The following PPP1R1A variants were observed in gnomAD, a reference collection of about 807,000 sequenced individuals.
The protein encoded by PPP1R1A is protein phosphatase 1 regulatory subunit 1A.
Under a neutral mutation model 23.9 loss-of-function variants are expected in PPP1R1A, and 18 were observed. The observed-to-expected ratio is 0.75, with a 90% confidence interval of 0.52 to 1.12. The LOEUF (loss-of-function observed/expected upper bound fraction) is 1.12, where lower values mean the gene tolerates loss of function less well. Among genes scored for constraint, PPP1R1A ranks in the 50% most tolerant of loss-of-function variants. PPP1R1A has a pLI of 0.00. For synonymous variants in PPP1R1A, 84 were observed against 80.7 expected (o/e 1.04, Z -0.22); for missense variants, 207 against 223.8 (o/e 0.92, Z 0.48).
chr12:54,586,158 G>A (rs935673414), intron 1 of PPP1R1A, among the ~76,000 whole-genome samples: 1 of 152,266 alleles, frequency 6.6e-6, no homozygotes, highest in East Asian at 1.9e-4. Flanking sequence ...TCAGAGTGGG[G>A]AGCCCAAGAA....
Position 54,580,146 on chromosome 12 carries a change from T to C in PPP1R1A, c.*241A>G. 7.5e-7 allele frequency: 1 copy of C among 1,334,706 alleles called. No individual in the cohort carries two copies. The highest frequency in any genetic ancestry group is 3.1e-5 in the Admixed American group (1 of 31,986). The allele number at this position is 1,334,706 out of a possible 1,614,324, so 82.7% of individuals were successfully genotyped here. On this transcript the variant is annotated 3_prime_UTR_variant, in exon 7 of 7. Transcript: ENST00000257905. Reference sequence around the variant, plus strand: ...CTGCTCAAGGCTTCTGCCTAGCTCCTGTTTCTTCCTTCCCAGAGGCAGCTT... The same window carrying C: ...CTGCTCAAGGCTTCTGCCTAGCTCCCGTTTCTTCCTTCCCAGAGGCAGCTT...
At chr12:54,584,871 G>C (rs1192878720) in intron 1 of PPP1R1A, among the ~76,000 whole-genome samples, 1 of 151,936 alleles carries the variant, frequency 6.6e-6, no homozygotes, top group Non-Finnish European at 1.5e-5. Flanking sequence ...CCCCTGTTCT[G>C]TCTCTCCACC....
chr12:54,585,146 C>G (rs1294678791), intron 1 of PPP1R1A, among the ~76,000 whole-genome samples: 1 of 152,224 alleles, frequency 6.6e-6, no homozygotes, highest in East Asian at 1.9e-4. Context: ...TCTCCTCTGG[C>G]CTGTGCCCCT....
intron 2 of PPP1R1A, among the ~76,000 whole-genome samples, chr12:54,583,480 G>A (rs1957878745): frequency 6.6e-6 from 1 of 152,156 alleles, no homozygotes; most frequent in Non-Finnish European, 1.5e-5. Flanking sequence ...TGGCTCTGTG[G>A]TCAATTTGCG....
In PPP1R1A at chr12:54,588,610, G is replaced by A. The variant is rs547173566; in HGVS notation, c.-122C>T. ...GCCCCGGCCCCAGCCCGGCGCGCTCGGCTCCCGGCTCCCGGCACAGCGCTC... is the reference window on the plus strand; with the variant it reads ...GCCCCGGCCCCAGCCCGGCGCGCTCAGCTCCCGGCTCCCGGCACAGCGCTC... On this transcript the variant is annotated 5_prime_UTR_variant, in exon 1 of 7. Transcript: ENST00000257905. 2 of 357,834 alleles carry A rather than the reference G, an allele frequency of 5.6e-6. No homozygotes were observed. The highest frequency in any genetic ancestry group is 1.2e-4 in the South Asian group (1 of 8,154). The allele number at this position is 357,834 out of a possible 1,614,324, so 22.2% of individuals were successfully genotyped here. A position where few individuals can be genotyped will look rare whatever the true frequency, so the allele number is the denominator to read the frequency against.
Position 54,581,155 on chromosome 12 carries a change from G to A in PPP1R1A, c.404-105C>T. On this transcript the variant is annotated intron_variant, in intron 5 of 6. Transcript: ENST00000257905. This position sits in a 1 kb window ranked among gnomAD's most constrained non-coding sequence, Gnocchi z 4.1. The stretch of plus-strand genomic sequence containing the variant: ...ACCCATACCCCAGTGGCCCCTGAGA[G>A]GGCCCCAGGACCAAGTTGGGTGCAA... 1.2e-6 allele frequency: 1 copy of A among 862,770 alleles called. No homozygotes were observed. The highest frequency in any genetic ancestry group is 1.8e-6 in the Non-Finnish European group (1 of 542,326). The allele number at this position is 862,770 out of a possible 1,614,324, so 53.4% of individuals were successfully genotyped here. A position where few individuals can be genotyped will look rare whatever the true frequency, so the allele number is the denominator to read the frequency against.
intron 1 of PPP1R1A, among the ~76,000 whole-genome samples, chr12:54,586,881 T>A (rs1042577115): frequency 6.6e-6 from 1 of 152,156 alleles, no homozygotes; most frequent in South Asian, 2.1e-4. Flanking sequence ...TGGAACTGCA[T>A]CCCCAACCTC....
chr12:54,584,412 G>T, intron 1 of PPP1R1A, 92 bp from the exon 2 acceptor site: 1 of 1,243,628 alleles, frequency 8.0e-7, no homozygotes, highest in Non-Finnish European at 1.1e-6. Context: ...ATCCAGGCTA[G>T]CCTACTTAAC....
Position 54,582,197 on chromosome 12 carries a change from C to T in PPP1R1A, c.248-66G>A, listed in dbSNP as rs558507006. Reference sequence around the variant, plus strand: ...GCCTAGCGTCTCCCCTGTGGGCCTCCGGATTCAACAGCCCCACTAAAGGCT... The same window carrying T: ...GCCTAGCGTCTCCCCTGTGGGCCTCTGGATTCAACAGCCCCACTAAAGGCT... On this transcript the variant is annotated intron_variant, in intron 4 of 6. Transcript: ENST00000257905. 20 of 1,479,300 alleles carry T rather than the reference C, an allele frequency of 1.4e-5. No individual in the cohort carries two copies. In the Admixed American group the frequency reaches 2.3e-4, roughly 17 times the overall value. 91.6% of individuals were successfully genotyped at this position (1,479,300 alleles called of 1,614,324 possible). A position where few individuals can be genotyped will look rare whatever the true frequency, so the allele number is the denominator to read the frequency against.
intron 1 of PPP1R1A, 67 bp from the exon 2 acceptor site, chr12:54,584,387 C>T: frequency 7.1e-7 from 1 of 1,402,720 alleles, no homozygotes; most frequent in Non-Finnish European, 9.8e-7. Flanking sequence ...CCACCCAAAA[C>T]CACTCAGTAA....
rs1369238015 is a variant in PPP1R1A at position 54,588,583 on chromosome 12, C to G, written c.-95G>C. ...GGCGCGCTCCCTCTCCGCTCCGCTC[C>G]GGCCCCGGCCCCAGCCCGGCGCGCT... On this transcript the variant is annotated 5_prime_UTR_variant, in exon 1 of 7. Coordinates refer to ENST00000257905, the MANE Select transcript of PPP1R1A (RefSeq NM_006741.4). 1.5e-6 allele frequency: 1 copy of G among 646,470 alleles called. No homozygotes were observed. The highest frequency in any genetic ancestry group is 2.1e-6 in the Non-Finnish European group (1 of 470,764). 40.0% of individuals were successfully genotyped at this position (646,470 alleles called of 1,614,324 possible).
rs915176718 is a variant in PPP1R1A at position 54,581,733 on chromosome 12, C to G, written c.403+243G>C. On this transcript the variant is annotated intron_variant, in intron 5 of 6. Transcript: ENST00000257905. This position sits in a 1 kb window ranked among gnomAD's most constrained non-coding sequence, Gnocchi z 4.1. Reference sequence around the variant, plus strand: ...GCTGTTCCCATGAAGGTGGGTTTCCCCCATGTAGCCACAGTGGGGCTCTGA... The same window carrying G: ...GCTGTTCCCATGAAGGTGGGTTTCCGCCATGTAGCCACAGTGGGGCTCTGA... Among the ~76,000 whole-genome samples the G allele has an allele frequency of 6.6e-6, 1 of 152,206 alleles. No individual in the cohort carries two copies. The highest frequency in any genetic ancestry group is 2.4e-5 in the African/African-American group (1 of 41,462).
At position 54,584,287 on chromosome 12, in the gene PPP1R1A, C is replaced by T. The variant is rs762205327; in HGVS notation, c.118G>A (p.Val40Met). ...GGGGATGACTGGTCACTGGTCAGCA[C>T]GAGGGTGGCAGGGGTGGGGCGGCGC... ...RRRRPTPATL[V>M]LTSDQSSPEI... is the part of the protein sequence containing the mutation. The change falls in exon 2 of 7, where the codon GTG (valine) becomes ATG (methionine). Residue 40 changes from valine (V) to methionine (M), a missense_variant. By Grantham distance (21) the Val-to-Met change is conservative. Transcript: ENST00000257905. The T allele has an allele frequency of 5.0e-6, 8 of 1,604,884 alleles. No homozygotes were observed. The highest frequency in any genetic ancestry group is 6.0e-6 in the Non-Finnish European group (7 of 1,176,214).
intron 1 of PPP1R1A, among the ~76,000 whole-genome samples, chr12:54,587,498 G>A (rs975368115): frequency 6.6e-6 from 1 of 152,224 alleles, no homozygotes; most frequent in Non-Finnish European, 1.5e-5. Flanking sequence ...CCACACATAC[G>A]CTCACTCTCA....
At position 54,581,711 on chromosome 12, in the gene PPP1R1A, G is replaced by A. The variant is rs190943606; in HGVS notation, c.403+265C>T. ...GCCAGGATTCTAGCCTGTGATTGCT[G>A]TTCCCATGAAGGTGGGTTTCCCCCA... On this transcript the variant is annotated intron_variant, in intron 5 of 6. Coordinates refer to ENST00000257905, the MANE Select transcript of PPP1R1A (RefSeq NM_006741.4). This position sits in a 1 kb window ranked among gnomAD's most constrained non-coding sequence, Gnocchi z 4.1. 1.3e-5 allele frequency among the ~76,000 whole-genome samples: 2 copies of A among 152,358 alleles called. No homozygotes were observed. Among genetic ancestry groups the A allele is most frequent in the East Asian group, 3.9e-4 (2 of 5,188 alleles).
At chr12:54,587,536 T>G (rs1205607825) in intron 1 of PPP1R1A, among the ~76,000 whole-genome samples, 4 of 152,142 alleles carry the variant, frequency 2.6e-5, no homozygotes, top group African/African-American at 9.7e-5. Flanking sequence ...TCACACACTC[T>G]CATACACTGC....
intron 3 of PPP1R1A, 39 bp from the exon 4 acceptor site, chr12:54,582,834 C>G (rs576733948): frequency 3.1e-6 from 5 of 1,599,644 alleles, no homozygotes; most frequent in Middle Eastern, 2.1e-4. Flanking sequence ...GCCAGCCCCC[C>G]CTTGCTCTCC....
chr12:54,580,333 G>A lies in PPP1R1A; in HGVS notation c.*54C>T, dbSNP rs370025032. On this transcript the variant is annotated 3_prime_UTR_variant, in exon 7 of 7. Coordinates refer to ENST00000257905, the MANE Select transcript of PPP1R1A (RefSeq NM_006741.4). The stretch of plus-strand genomic sequence containing the variant: ...AAGTGAAGGAATAAGAAACAAATCC[G>A]GTGTCCATGCATTCCCAAACTGCAG... 28 of 1,609,782 alleles carry A rather than the reference G, an allele frequency of 1.7e-5. No homozygotes were observed. The highest frequency in any genetic ancestry group is 9.4e-5 in the African/African-American group (7 of 74,858).
chr12:54,579,400 C>G lies in PPP1R1A; in HGVS notation c.*987G>C, dbSNP rs969834613. ...CAAGCTGAGGCCCAGGAGGAGGCCC[C>G]GAGGGCTCATAGTAGCTGCATGGCA... is the stretch of plus-strand genomic sequence containing the variant. On this transcript the variant is annotated 3_prime_UTR_variant, in exon 7 of 7. Transcript: ENST00000257905. The G allele has an allele frequency of 1.3e-5, 13 of 985,102 alleles. No individual in the cohort carries two copies. Among genetic ancestry groups the G allele is most frequent in the African/African-American group, 3.5e-5 (2 of 57,132 alleles). 61.0% of individuals were successfully genotyped at this position (985,102 alleles called of 1,614,324 possible).
Sources: allele counts gnomAD v4.1 joint callset (sites outside exome capture counted in the v4.1 genomes callset), GRCh38; gene constraint gnomAD v4.1.1; non-coding constraint Gnocchi (gnomAD v3.1); transcripts MANE v1.5; gene names NCBI Gene and HGNC (gene_info 2026-07-23, HGNC 2026-07-21).